The following UBQLN1 variants were observed in gnomAD, a reference collection of about 807,000 sequenced individuals.
The protein encoded by UBQLN1 is ubiquilin 1.
A neutral mutation model predicts 65.4 loss-of-function variants in UBQLN1; 13 were observed. The observed-to-expected ratio is 0.20, with a 90% CI of 0.13 to 0.32. The LOEUF is 0.32. UBQLN1 is among the 10% of genes least tolerant of loss of function. The pLI is 1.00. For missense variants in UBQLN1, 561 were observed against 724.0 expected (o/e 0.77, Z 2.58); for synonymous variants, 267 against 247.8 (o/e 1.08, Z -0.73).
chr9:83,675,006 ACTGT>A (rs1263354219), intron 6 of UBQLN1, among the ~76,000 whole-genome samples: 1 of 152,200 alleles, frequency 6.6e-6, no homozygotes, highest in African/African-American at 2.4e-5. Flanking sequence ...ATAGTTATTG[ACTGT>A]CTTATTCATC....
At chr9:83,674,009 G>C (rs1179953158) in intron 6 of UBQLN1, among the ~76,000 whole-genome samples, 1 of 152,004 alleles carries the variant, frequency 6.6e-6, no homozygotes, top group Non-Finnish European at 1.5e-5. Context: ...ATGTTGGCTA[G>C]GCTGGTCTCA....
At chr9:83,680,768 AATT>A (rs1339291815) in intron 3 of UBQLN1, among the ~76,000 whole-genome samples, 7 of 152,322 alleles carry the variant, frequency 4.6e-5, no homozygotes, top group African/African-American at 1.7e-4. Context: ...CCATTCTAGC[AATT>A]ATTGAACCTG....
Position 83,661,565 on chromosome 9 carries a change from G to A in UBQLN1, c.*222C>T. ...ATGTTTTTAAAAAATTACAATAAAT[G>A]CAGAAGTGATGCATGCAGTAGCCTT... On this transcript the variant is annotated 3_prime_UTR_variant, in exon 11 of 11. Coordinates refer to ENST00000376395, the MANE Select transcript of UBQLN1 (RefSeq NM_013438.5). 1 of 409,200 alleles carries A rather than the reference G, an allele frequency of 2.4e-6. No homozygotes were observed. The highest frequency in any genetic ancestry group is 4.2e-6 in the Non-Finnish European group (1 of 235,450). The allele number at this position is 409,200 out of a possible 1,614,324, so 25.3% of individuals were successfully genotyped here. A position where few individuals can be genotyped will look rare whatever the true frequency, so the allele number is the denominator to read the frequency against.
In UBQLN1 at chr9:83,672,516, A is replaced by G. The variant is rs576375231; in HGVS notation, c.1106-3189T>C. On this transcript the variant is annotated intron_variant, in intron 6 of 10. Transcript: ENST00000376395. ...GTCTCAGAGAATAGGGAGACCCAAG[A>G]AGAGGAAGAGAGACAAGTGGAACAG... is the stretch of plus-strand genomic sequence containing the variant. 9.2e-5 allele frequency among the ~76,000 whole-genome samples: 14 copies of G among 152,302 alleles called. No individual in the cohort carries two copies. The South Asian group carries it at 2.9e-3, about 32-fold the overall frequency.
intron 1 of UBQLN1, among the ~76,000 whole-genome samples, chr9:83,703,750 G>GA (rs972625087): frequency 1.3e-5 from 2 of 152,042 alleles, no homozygotes; most frequent in African/African-American, 4.8e-5. Context: ...CTCTAAATTG[G>GA]AAAAAAGCTT....
At chr9:83,683,124 C>T in intron 2 of UBQLN1, 58 bp from the exon 3 acceptor site, 1 of 1,291,080 alleles carries the variant, frequency 7.7e-7, no homozygotes, top group Non-Finnish European at 1.1e-6. Flanking sequence ...TTAAAAGAAC[C>T]ACCAAAGGCC....
chr9:83,673,411 G>A (rs1428082419), intron 6 of UBQLN1, among the ~76,000 whole-genome samples: 3 of 151,500 alleles, frequency 2.0e-5, no homozygotes, highest in South Asian at 4.2e-4. Flanking sequence ...CAGGTGTGGT[G>A]GTGGGTGCCT....
At chr9:83,696,106 A>T (rs947811713) in intron 1 of UBQLN1, among the ~76,000 whole-genome samples, 1 of 152,122 alleles carries the variant, frequency 6.6e-6, no homozygotes, top group Non-Finnish European at 1.5e-5. Flanking sequence ...CGCCCAGCTA[A>T]TTTTTGTATT....
chr9:83,680,107 T>A lies in UBQLN1; in HGVS notation c.449-70A>T. The A allele has an allele frequency of 2.7e-6, 4 of 1,488,452 alleles. No homozygotes were observed. In the Admixed American group the frequency reaches 6.7e-5, roughly 25 times the overall value. The allele number at this position is 1,488,452 out of a possible 1,614,324, so 92.2% of individuals were successfully genotyped here. ...TTTATCATTAACATGACATAAAATATGAAGATGCAAAAAAGTATTAGCTGA... is the reference window on the plus strand; with the variant it reads ...TTTATCATTAACATGACATAAAATAAGAAGATGCAAAAAAGTATTAGCTGA... On this transcript the variant is annotated intron_variant, in intron 3 of 10. Coordinates refer to ENST00000376395, the MANE Select transcript of UBQLN1 (RefSeq NM_013438.5).
intron 7 of UBQLN1, chr9:83,667,550 T>A (rs1831661590): frequency 2.0e-6 from 2 of 985,430 alleles, no homozygotes; most frequent in South Asian, 9.4e-5. Flanking sequence ...ACCAGTAAGT[T>A]CACAGTAAGT....
chr9:83,678,508 C>A lies in UBQLN1; in HGVS notation c.803G>T (p.Gly268Val). 6.2e-7 allele frequency: 1 copy of A among 1,613,956 alleles called. No individual in the cohort carries two copies. Among genetic ancestry groups the A allele is most frequent in the Non-Finnish European group, 8.5e-7 (1 of 1,179,960 alleles). ...GTACATGCGCCTTAAAGCATTATATCCCCCTGGGATGCTTTCTAGGTTGCT... is the reference window on the plus strand; with the variant it reads ...GTACATGCGCCTTAAAGCATTATATACCCCTGGGATGCTTTCTAGGTTGCT... ...ALSNLESIPG[G>V]YNALRRMYTD... The change falls in exon 5 of 11, where the codon GGA becomes GTA. Residue 268 changes from glycine (G) to valine (V), a missense_variant. By Grantham distance (109) the Gly-to-Val change is moderately radical. Around this residue, in one of 8 missense-constraint regions of UBQLN1, gnomAD observed 75 missense variants for 138.9 expected, o/e 0.54. Transcript: ENST00000376395.
At position 83,667,519 on chromosome 9, in the gene UBQLN1, T is replaced by TA. The variant is rs1831661174; in HGVS notation, c.1249-1087dup. On this transcript the variant is annotated intron_variant, in intron 7 of 10. Coordinates refer to ENST00000376395, the MANE Select transcript of UBQLN1 (RefSeq NM_013438.5). ...GATGTCAGACAACCTTTCAGGAACA[T>TA]ACAGTATTTATTTCAAAGTGACCAG... 3 of 985,404 alleles carry TA rather than the reference T, an allele frequency of 3.0e-6. No individual in the cohort carries two copies. In the Admixed American group the frequency reaches 1.8e-4, roughly 61 times the overall value. The allele number at this position is 985,404 out of a possible 1,614,324, so 61.0% of individuals were successfully genotyped here.
chr9:83,692,743 T>C (rs898095003), intron 1 of UBQLN1, among the ~76,000 whole-genome samples: 4 of 152,082 alleles, frequency 2.6e-5, no homozygotes, highest in Non-Finnish European at 5.9e-5. Context: ...TCCCAGCTAC[T>C]TGGGAGGCTG....
chr9:83,668,630 C>A, intron 7 of UBQLN1: 3 of 985,534 alleles, frequency 3.0e-6, no homozygotes, highest in Non-Finnish European at 3.6e-6. Flanking sequence ...TAGCTGTGGT[C>A]TCTTTAGAAA....
Position 83,699,068 on chromosome 9 carries a change from G to A in UBQLN1, c.180+8432C>T, listed in dbSNP as rs187599584. ...GAGTAGTCAAATTCAGAGACAGAAA[G>A]AAGAATGGTGGTTGCTAGAGGTGGG... On this transcript the variant is annotated intron_variant, in intron 1 of 10. Coordinates refer to ENST00000376395, the MANE Select transcript of UBQLN1 (RefSeq NM_013438.5). 4.7e-4 allele frequency among the ~76,000 whole-genome samples: 72 copies of A among 152,294 alleles called. No individual in the cohort carries two copies. The South Asian group carries it at 6.0e-3, about 13-fold the overall frequency.
At chr9:83,677,578 A>G in intron 6 of UBQLN1, 149 bp downstream of exon 6, 1 of 672,050 alleles carries the variant, frequency 1.5e-6, no homozygotes, top group Non-Finnish European at 2.4e-6. Context: ...AACAAAACAA[A>G]ACAAAACAAA....
intron 1 of UBQLN1, among the ~76,000 whole-genome samples, chr9:83,705,246 C>CATTTTTTTTTTT (rs564247804): frequency 7.7e-6 from 1 of 129,454 alleles, no homozygotes; most frequent in African/African-American, 3.1e-5. Context: ...GCCAGCACTC[C>CATTTTTTTTTTT]TTTTTTTTTT....
At chr9:83,698,552 C>G (rs1832258543) in intron 1 of UBQLN1, among the ~76,000 whole-genome samples, 1 of 152,134 alleles carries the variant, frequency 6.6e-6, no homozygotes, top group Non-Finnish European at 1.5e-5. Flanking sequence ...ACCCAAGCGA[C>G]CAGCAACAGA....
intron 3 of UBQLN1, among the ~76,000 whole-genome samples, chr9:83,680,394 C>T (rs987197309): frequency 3.4e-4 from 51 of 151,908 alleles, no homozygotes; most frequent in African/African-American, 1.1e-3. Context: ...GATCATTATG[C>T]TAATGAAGTG....
Sources: gnomAD v4.1 joint callset for allele counts (sites outside exome capture counted in the v4.1 genomes callset) on GRCh38, gnomAD v4.1.1 for gene constraint, gnomAD v4.1.1 regional missense constraint, MANE v1.5 for transcripts, NCBI Gene and HGNC (gene_info 2026-07-23, HGNC 2026-07-21) for gene names.